Variants in ZNF713 observed in about 807,000 individuals in gnomAD.
The protein encoded by ZNF713 is zinc finger protein 713.
Under a neutral mutation model 28.7 loss-of-function variants are expected in ZNF713, and 21 were observed. The observed-to-expected ratio is 0.73, with a 90% CI of 0.52 to 1.05. The LOEUF is 1.05. Among genes scored for constraint, ZNF713 ranks in the 50% least tolerant of loss-of-function variants. The pLI is 0.00. For missense variants in ZNF713, 458 were observed against 532.4 expected (o/e 0.86, Z 1.37); for synonymous variants, 167 against 178.0 (o/e 0.94, Z 0.49).
intron 1 of ZNF713, among the ~76,000 whole-genome samples, 182 bp downstream of exon 1, chr7:55,887,862 GGGCGGCGGCGGCGGCGGC>G (rs1228586478): frequency 0.037 from 502 of 13,394 alleles, 131 homozygotes; most frequent in African/African-American, 0.17. Flanking sequence ...GGCGGGCGGC[GGGCGGCGGCGGCGGCGGC>G]GGCGGCGGGC....
intron 6 of ZNF713, among the ~76,000 whole-genome samples, chr7:55,929,870 T>C (rs1425021035): frequency 6.6e-6 from 1 of 152,174 alleles, no homozygotes; most frequent in African/African-American, 2.4e-5. Flanking sequence ...AAGAGGAGAT[T>C]CATATATTCA....
At chr7:55,907,961 C>G (rs1290174096) in intron 2 of ZNF713, among the ~76,000 whole-genome samples, 4 of 151,888 alleles carry the variant, frequency 2.6e-5, no homozygotes, top group Admixed American at 1.3e-4. Context: ...ATTTATTTAT[C>G]TCTGGATAGG....
chr7:55,922,308 A>C (rs2116237040), intron 4 of ZNF713, among the ~76,000 whole-genome samples: 1 of 151,974 alleles, frequency 6.6e-6, no homozygotes, highest in East Asian at 2.0e-4. Flanking sequence ...TGGGAGGCTG[A>C]GGCGGGCAGA....
At chr7:55,936,129 A>G (rs1005583365) in intron 6 of ZNF713, among the ~76,000 whole-genome samples, 3 of 149,978 alleles carry the variant, frequency 2.0e-5, no homozygotes, top group Admixed American at 6.7e-5. Flanking sequence ...GCCAGGCATG[A>G]TAGTGTGCAC....
chr7:55,927,920 A>AAAAAAAAT (rs1786133870), intron 6 of ZNF713, among the ~76,000 whole-genome samples: 1 of 147,012 alleles, frequency 6.8e-6, no homozygotes, highest in Admixed American at 6.9e-5. Flanking sequence ...AAAAAAAAAA[A>AAAAAAAAT]GCCACAAGAG....
intron 1 of ZNF713, among the ~76,000 whole-genome samples, chr7:55,897,277 G>T (rs1460967231): frequency 1.3e-5 from 2 of 150,946 alleles, no homozygotes; most frequent in Non-Finnish European, 2.9e-5. Flanking sequence ...TTGAGACAGG[G>T]TCTCACTCTT....
chr7:55,892,555 CAAAAAAAAAA>C (rs56338467), intron 1 of ZNF713, among the ~76,000 whole-genome samples: 14 of 74,380 alleles, frequency 1.9e-4, no homozygotes, highest in Non-Finnish European at 2.8e-4. Context: ...AAGCACTGAC[CAAAAAAAAAA>C]AAAAAAAAAA....
chr7:55,894,421 C>T (rs543114934), intron 1 of ZNF713, among the ~76,000 whole-genome samples: 9 of 152,168 alleles, frequency 5.9e-5, no homozygotes, highest in East Asian at 3.9e-4. Flanking sequence ...ACAGATGACA[C>T]GAAAGGGTAA....
intron 6 of ZNF713, among the ~76,000 whole-genome samples, chr7:55,926,397 A>C (rs1425347646): frequency 6.6e-6 from 1 of 152,328 alleles, no homozygotes; most frequent in East Asian, 1.9e-4. Context: ...AGCTTGAGCA[A>C]GTGGTTTTTT....
At chr7:55,888,671 C>T (rs1221241938) in intron 1 of ZNF713, among the ~76,000 whole-genome samples, 7 of 152,100 alleles carry the variant, frequency 4.6e-5, no homozygotes, top group East Asian at 1.9e-4. Flanking sequence ...TGAGCCACGG[C>T]GTTCGGCCAG....
rs562631474 is a variant in ZNF713, at chr7:55,901,703, C to CA, written c.-582-4550_-582-4549insA. Among the ~76,000 whole-genome samples the CA allele has an allele frequency of 2.6e-3, 396 of 152,310 alleles. 3 individuals are homozygous for CA. Among genetic ancestry groups the CA allele is most frequent in the African/African-American group, 8.7e-3 (363 of 41,568 alleles). On this transcript the variant is annotated intron_variant, in intron 1 of 6. Coordinates refer to ENST00000429591, the MANE Select transcript of ZNF713 (RefSeq NM_182633.3). ...AAGCTCTGCACCCACCAACCCTCCA[C>CA]CCCTTGCCCAATTTACCTCTTACAT...
At chr7:55,909,251 T>C (rs1472509467) in intron 2 of ZNF713, among the ~76,000 whole-genome samples, 2 of 151,744 alleles carry the variant, frequency 1.3e-5, no homozygotes, top group East Asian at 1.9e-4. Context: ...CTTCTACATG[T>C]TGGCTATCCA....
intron 1 of ZNF713, among the ~76,000 whole-genome samples, chr7:55,904,584 G>C (rs1562738303): frequency 6.6e-6 from 1 of 151,056 alleles, no homozygotes; most frequent in Non-Finnish European, 1.5e-5. Flanking sequence ...ACAAAAGCCA[G>C]ACTATAGAGA....
intron 4 of ZNF713, among the ~76,000 whole-genome samples, chr7:55,918,831 A>G (rs558636922): frequency 8.2e-4 from 124 of 152,118 alleles, no homozygotes; most frequent in African/African-American, 2.7e-3. Context: ...CGTCTCTACT[A>G]AAAATACAAA....
In ZNF713 at chr7:55,939,076, A is replaced by G. The variant is rs777447810; in HGVS notation, c.402A>G (p.Ala134=). ...QTHEMIMERL[A]GDSFWYSILG... The stretch of plus-strand genomic sequence containing the variant: ...ATGAGATGATAATGGAGAGACTCGC[A>G]GGAGACAGCTTCTGGTACTCCATCC... The change falls in exon 7 of 7, where the codon GCA becomes GCG. Residue 134 remains alanine, a synonymous_variant. Transcript: ENST00000429591. The G allele has an allele frequency of 1.2e-6, 2 of 1,613,982 alleles. No homozygotes were observed. The highest frequency in any genetic ancestry group is 1.7e-6 in the Non-Finnish European group (2 of 1,179,994).
intron 1 of ZNF713, among the ~76,000 whole-genome samples, chr7:55,897,658 T>C (rs996968337): frequency 6.6e-6 from 1 of 152,100 alleles, no homozygotes; most frequent in Non-Finnish European, 1.5e-5. Flanking sequence ...GATAGTAACT[T>C]TTACCATAGA....
chr7:55,904,498 T>C (rs971449598), intron 1 of ZNF713, among the ~76,000 whole-genome samples: 5 of 122,084 alleles, frequency 4.1e-5, no homozygotes, highest in African/African-American at 6.2e-5. Context: ...AGTAATGAGG[T>C]CCATTGCATG....
At chr7:55,887,938 C>T (rs1474123044) in intron 1 of ZNF713, among the ~76,000 whole-genome samples, 3 of 136,826 alleles carry the variant, frequency 2.2e-5, no homozygotes, top group Non-Finnish European at 5.0e-5. Context: ...CGGCCGCTGT[C>T]CCCGCTGTCC....
At chr7:55,899,194 CT>C (rs1303518353) in intron 1 of ZNF713, among the ~76,000 whole-genome samples, 2 of 150,488 alleles carry the variant, frequency 1.3e-5, no homozygotes, top group African/African-American at 4.9e-5. Context: ...TCTACTAAAA[CT>C]ACAAAAAATT....
Sources: allele counts gnomAD v4.1 joint callset (sites outside exome capture counted in the v4.1 genomes callset), GRCh38; gene constraint gnomAD v4.1.1; transcripts MANE v1.5; gene names NCBI Gene and HGNC (gene_info 2026-07-23, HGNC 2026-07-21).